The following INO80 variants were observed in gnomAD, a reference collection of about 807,000 sequenced individuals.
INO80 encodes the protein chromatin-remodeling ATPase INO80.
A neutral mutation model predicts 203.4 loss-of-function variants in INO80; 20 were observed. The ratio of observed to expected loss-of-function variants is 0.10; its 90% CI spans 0.07 to 0.14. INO80 has a LOEUF of 0.14. INO80 is among the 10% of genes least tolerant of loss of function. The pLI is 1.00. For missense variants in INO80, 1,419 were observed against 1,914.4 expected (o/e 0.74, Z 4.83); for synonymous variants, 726 against 685.2 (o/e 1.06, Z -0.93).
chr15:41,055,287 G>A lies in INO80; in HGVS notation c.2148C>T (p.Asp716=). ...ATTTGTTTTCGGCATGGCTCTCAAT[G>A]TCCTTGGAAAACCATTCATTAAATT... ...HEEFNEWFSK[D]IESHAENKSA... is the part of the protein sequence containing the mutation. Residue 716 remains aspartate (D), a synonymous_variant, in exon 18 of 36, where the codon GAC becomes GAT. Coordinates refer to ENST00000648947, the MANE Select transcript of INO80 (RefSeq NM_017553.3). The A allele has an allele frequency of 6.2e-7, 1 of 1,613,148 alleles. No homozygotes were observed.
chr15:41,048,353 G>C (rs979734271), intron 21 of INO80, 77 bp from the exon 22 acceptor site: 3 of 1,123,250 alleles, frequency 2.7e-6, no homozygotes, highest in Non-Finnish European at 4.0e-6. Flanking sequence ...AGGTTCCATA[G>C]CAAGTAAAAC....
intron 29 of INO80, among the ~76,000 whole-genome samples, chr15:40,990,471 C>T (rs1486889891): frequency 6.6e-6 from 1 of 152,166 alleles, no homozygotes; most frequent in African/African-American, 2.4e-5. Flanking sequence ...AGCAATCCTA[C>T]CATCTCAGCT....
intron 1 of INO80, among the ~76,000 whole-genome samples, chr15:41,107,539 C>A (rs2045897911): frequency 1.3e-5 from 2 of 151,864 alleles, no homozygotes; most frequent in African/African-American, 4.8e-5. Flanking sequence ...ATGGCTCATG[C>A]CTATAATCCC....
chr15:41,035,245 C>T (rs770067871), intron 24 of INO80, among the ~76,000 whole-genome samples: 1 of 152,156 alleles, frequency 6.6e-6, no homozygotes, highest in African/African-American at 2.4e-5. Context: ...ATAATGGGAT[C>T]AGCATGGAAA....
chr15:41,037,911 T>G (rs1041322355), intron 24 of INO80, among the ~76,000 whole-genome samples: 2 of 151,650 alleles, frequency 1.3e-5, no homozygotes, highest in Admixed American at 6.6e-5. Flanking sequence ...CCACTGCACT[T>G]TAGCCTGGGC....
Position 40,979,945 on chromosome 15 carries a change from C to G in INO80, c.*278G>C, listed in dbSNP as rs1893754235. 1 of 469,560 alleles carries G rather than the reference C, an allele frequency of 2.1e-6. No individual in the cohort carries two copies. Among genetic ancestry groups the G allele is most frequent in the Non-Finnish European group, 3.9e-6 (1 of 256,106 alleles). The allele number at this position is 469,560 out of a possible 1,614,324, so 29.1% of individuals were successfully genotyped here. A position where few individuals can be genotyped will look rare whatever the true frequency, so the allele number is the denominator to read the frequency against. The stretch of plus-strand genomic sequence containing the variant: ...AAAGGGGGTCTGTGTCAGGCTTGCC[C>G]CGTGAGAGGTTTAAGACTTGGCTAT... On this transcript the variant is annotated 3_prime_UTR_variant, in exon 36 of 36. Coordinates refer to ENST00000648947, the MANE Select transcript of INO80 (RefSeq NM_017553.3).
intron 28 of INO80, among the ~76,000 whole-genome samples, chr15:41,002,856 G>A (rs1312199397): frequency 6.6e-6 from 1 of 152,232 alleles, no homozygotes; most frequent in Admixed American, 6.5e-5. Context: ...TGTAATCCCA[G>A]CATTCTGGGA....
At chr15:41,065,349 T>C (rs1219404884) in intron 14 of INO80, among the ~76,000 whole-genome samples, 4 of 151,112 alleles carry the variant, frequency 2.6e-5, no homozygotes, top group African/African-American at 9.7e-5. Context: ...GAGGCAAAAT[T>C]GCTTGAACCT....
intron 9 of INO80, 104 bp downstream of exon 9, chr15:41,079,597 A>AAAT: frequency 1.0e-5 from 11 of 1,089,112 alleles, no homozygotes; most frequent in Non-Finnish European, 1.5e-5. Context: ...AAAACAAAAA[A>AAAT]TTGACAGTGT....
chr15:41,041,834 C>T (rs1596284874), intron 24 of INO80, among the ~76,000 whole-genome samples: 3 of 123,732 alleles, frequency 2.4e-5, no homozygotes, highest in East Asian at 2.4e-4. Context: ...GAAAGATTTC[C>T]TTTTTTTTTT....
chr15:41,108,547 T>C (rs1007404054), intron 1 of INO80, among the ~76,000 whole-genome samples: 26 of 139,280 alleles, frequency 1.9e-4, no homozygotes, highest in African/African-American at 6.3e-4. Context: ...AGCCGAGATC[T>C]CGCCACTGCA....
chr15:41,111,664 G>T (rs555670682), intron 1 of INO80, among the ~76,000 whole-genome samples: 1 of 151,820 alleles, frequency 6.6e-6, no homozygotes, highest in African/African-American at 2.4e-5. Flanking sequence ...TTAGCCGGGC[G>T]TGGTGGTGCA....
chr15:41,084,858 A>G (rs1206304808), intron 7 of INO80, among the ~76,000 whole-genome samples: 1 of 152,068 alleles, frequency 6.6e-6, no homozygotes, highest in African/African-American at 2.4e-5. Flanking sequence ...TGCCTCAGCC[A>G]CTTGCATAGG....
chr15:41,087,852 A>T (rs1375170882), intron 5 of INO80, among the ~76,000 whole-genome samples, 170 bp from the exon 6 acceptor site: 1 of 152,126 alleles, frequency 6.6e-6, no homozygotes, highest in Non-Finnish European at 1.5e-5. Context: ...ACTTAACTTC[A>T]AACAAAATGA....
chr15:41,040,656 G>C (rs1389900206), intron 24 of INO80, among the ~76,000 whole-genome samples: 1 of 152,124 alleles, frequency 6.6e-6, no homozygotes, highest in East Asian at 1.9e-4. Context: ...AGGATTGTTT[G>C]AGGCCAGAGT....
At chr15:41,104,739 C>T (rs2045859942) in intron 1 of INO80, among the ~76,000 whole-genome samples, 1 of 151,974 alleles carries the variant, frequency 6.6e-6, no homozygotes, top group Non-Finnish European at 1.5e-5. Flanking sequence ...GAGGTTTCAC[C>T]ATGTTGGCCA....
intron 1 of INO80, among the ~76,000 whole-genome samples, chr15:41,102,541 T>C (rs769559006): frequency 4.0e-5 from 6 of 150,650 alleles, no homozygotes; most frequent in Non-Finnish European, 8.9e-5. Flanking sequence ...GGTGGCGGGT[T>C]TGCCTGTAGT....
rs535568519 is a variant in INO80 at position 40,984,212 on chromosome 15, T to G, written c.4062A>C (p.Pro1354=). 1.2e-6 allele frequency: 2 copies of G among 1,613,570 alleles called. No homozygotes were observed. Among genetic ancestry groups the G allele is most frequent in the Admixed American group, 1.7e-5 (1 of 59,934 alleles). ...DSFISVDSAM[P]SPFSEISISS... is the part of the protein sequence containing the mutation. ...GGAGCCTCACCTCACTGAAAGGGCT[T>G]GGCATGGCTGAGTCCACGCTAATGA... Residue 1354 remains proline, a synonymous_variant, in exon 33 of 36, where the codon CCA becomes CCC. Transcript: ENST00000648947.
At chr15:41,062,318 T>C (rs569042797) in intron 14 of INO80, among the ~76,000 whole-genome samples, 4 of 152,234 alleles carry the variant, frequency 2.6e-5, no homozygotes, top group Non-Finnish European at 4.4e-5. Context: ...GAGAATAAAA[T>C]AGGCCAAGTA....
Sources: allele counts gnomAD v4.1 joint callset (sites outside exome capture counted in the v4.1 genomes callset), GRCh38; gene constraint gnomAD v4.1.1; transcripts MANE v1.5; gene names NCBI Gene and HGNC (gene_info 2026-07-23, HGNC 2026-07-21).